Variants in ADAMTS19 observed in about 807,000 individuals in gnomAD.
ADAMTS19 encodes ADAM metallopeptidase with thrombospondin type 1 motif 19, also known as A disintegrin and metalloproteinase with thrombospondin motifs 19.
ADAMTS19 carries 93 observed loss-of-function variants against 153.3 expected under a neutral mutation model. That is an observed-to-expected ratio of 0.61 (90% CI 0.51 to 0.72). The LOEUF is 0.72. Among genes scored for constraint, ADAMTS19 ranks in the 30% least tolerant of loss-of-function variants. The pLI, the probability that ADAMTS19 is intolerant of heterozygous loss-of-function variation, is 0.00. For missense variants in ADAMTS19, 1,482 were observed against 1,552.1 expected (o/e 0.95, Z 0.76); for synonymous variants, 600 against 556.6 (o/e 1.08, Z -1.10).
chr5:129,674,698 G>T (rs1186033113), intron 16 of ADAMTS19, among the ~76,000 whole-genome samples: 1 of 151,352 alleles, frequency 6.6e-6, no homozygotes, highest in African/African-American at 2.4e-5. Flanking sequence ...CTTCCTTTTT[G>T]CTATTATGCA....
intron 10 of ADAMTS19, among the ~76,000 whole-genome samples, chr5:129,626,217 T>C (rs76183464): frequency 0.018 from 2,710 of 152,236 alleles, 72 homozygotes; most frequent in African/African-American, 0.061. Context: ...CAGTCTCCTA[T>C]GGAACTCAAA....
intron 7 of ADAMTS19, among the ~76,000 whole-genome samples, chr5:129,582,854 G>A (rs1257441264): frequency 6.6e-6 from 1 of 151,858 alleles, no homozygotes; most frequent in Non-Finnish European, 1.5e-5. Flanking sequence ...TTACAGGTGT[G>A]AGCCACCATG....
At chr5:129,551,941 T>C (rs1309666520) in intron 7 of ADAMTS19, 34 bp downstream of exon 7, 3 of 1,462,414 alleles carry the variant, frequency 2.1e-6, no homozygotes, top group East Asian at 2.5e-5. Context: ...TTTGGAGTTC[T>C]GGAGAACTTG....
chr5:129,587,083 T>C (rs1272346119), intron 7 of ADAMTS19, among the ~76,000 whole-genome samples: 3 of 152,094 alleles, frequency 2.0e-5, no homozygotes, highest in African/African-American at 7.2e-5. Context: ...GGAAACTATT[T>C]ATCTCTCCTC....
At position 129,617,145 on chromosome 5, in the gene ADAMTS19, TAG is replaced by T. The variant is rs898439246; in HGVS notation, c.1479-3470_1479-3469del. 4.6e-5 allele frequency among the ~76,000 whole-genome samples: 7 copies of T among 152,176 alleles called. No individual in the cohort carries two copies. The South Asian group carries it at 1.0e-3, about 23-fold the overall frequency. Reference sequence around the variant, plus strand: ...AATTAATTGTTTTATTTCAAACCTGTAGAGTCAGGACTAAGCATTGTTTCCTG... The same window carrying T: ...AATTAATTGTTTTATTTCAAACCTGTAGTCAGGACTAAGCATTGTTTCCTG... On this transcript the variant is annotated intron_variant, in intron 8 of 22. Coordinates refer to ENST00000274487, the MANE Select transcript of ADAMTS19 (RefSeq NM_133638.6).
chr5:129,647,801 G>C lies in ADAMTS19; in HGVS notation c.1909G>C (p.Ala637Pro). 1 of 1,614,094 alleles carries C rather than the reference G, an allele frequency of 6.2e-7. No homozygotes were observed. Among genetic ancestry groups the C allele is most frequent in the Non-Finnish European group, 8.5e-7 (1 of 1,179,958 alleles). Residue 637 changes from alanine (A) to proline (P), a missense_variant, in exon 12 of 23, where the codon GCA becomes CCA. Physicochemically the swap from Ala to Pro is conservative, Grantham distance 27 (BLOSUM62 -1). Around this residue, in one of 2 missense-constraint regions of ADAMTS19, gnomAD observed 616 missense variants for 724.4 expected, o/e 0.85. Coordinates refer to ENST00000274487, the MANE Select transcript of ADAMTS19 (RefSeq NM_133638.6). Reference sequence around the variant, plus strand: ...TGGAGAATGTACCAGCAGGACCTCAGCACCTGAACATCTGGCCGGAGAGTG... The same window carrying C: ...TGGAGAATGTACCAGCAGGACCTCACCACCTGAACATCTGGCCGGAGAGTG... ...KAGECTSRTS[A>P]PEHLAGEWSL...
Position 129,658,610 on chromosome 5 carries a change from G to A in ADAMTS19, c.2305-7G>A, listed in dbSNP as rs915844093. Reference sequence around the variant, plus strand: ...ATTTATGATGTGCTGTCACTCTCTTGTTACAGAAAGTTGGCTGTGATGGTT... The same window carrying A: ...ATTTATGATGTGCTGTCACTCTCTTATTACAGAAAGTTGGCTGTGATGGTT... On this transcript the variant is annotated splice_region_variant and splice_polypyrimidine_tract_variant and intron_variant, in intron 14 of 22. Transcript: ENST00000274487. 6.2e-7 allele frequency: 1 copy of A among 1,610,164 alleles called. No homozygotes were observed. Among genetic ancestry groups the A allele is most frequent in the Non-Finnish European group, 8.5e-7 (1 of 1,178,506 alleles).
At chr5:129,648,750 A>G (rs772355522) in intron 12 of ADAMTS19, 48 bp from the exon 13 acceptor site, 1 of 1,457,942 alleles carries the variant, frequency 6.9e-7, no homozygotes, top group South Asian at 1.2e-5. Flanking sequence ...AAACCTAGGT[A>G]GTTAACATAA....
In ADAMTS19 at chr5:129,625,542, G is replaced by A. The variant is rs138382166; in HGVS notation, c.1770+3194G>A. ...ATGATTGCCATTCTAACTGGTGTGA[G>A]ATGGTATCTCATTGTGGTTTTGATT... On this transcript the variant is annotated intron_variant, in intron 10 of 22. Coordinates refer to ENST00000274487, the MANE Select transcript of ADAMTS19 (RefSeq NM_133638.6). 5.1e-3 allele frequency among the ~76,000 whole-genome samples: 771 copies of A among 152,272 alleles called. 9 individuals are homozygous for A. The highest frequency in any genetic ancestry group is 0.016 in the African/African-American group (685 of 41,566).
At chr5:129,645,186 A>G (rs1753005571) in intron 11 of ADAMTS19, among the ~76,000 whole-genome samples, 1 of 152,208 alleles carries the variant, frequency 6.6e-6, no homozygotes, top group South Asian at 2.1e-4. Flanking sequence ...TTTATAAATC[A>G]GATTGAATTA....
intron 21 of ADAMTS19, among the ~76,000 whole-genome samples, chr5:129,730,942 TG>T (rs1757417536): frequency 6.7e-6 from 1 of 148,988 alleles, no homozygotes; most frequent in African/African-American, 2.5e-5. Context: ...TGTTTTGTTT[TG>T]TTTTGTTTTG....
intron 22 of ADAMTS19, 139 bp from the exon 23 acceptor site, chr5:129,736,925 CTTT>C (rs1244702490): frequency 1.5e-6 from 1 of 683,406 alleles, no homozygotes; most frequent in African/African-American, 1.8e-5. Flanking sequence ...GTGTGTATCT[CTTT>C]CTTGTTTAAA....
chr5:129,585,020 G>C (rs1318971898), intron 7 of ADAMTS19, among the ~76,000 whole-genome samples: 2 of 152,178 alleles, frequency 1.3e-5, no homozygotes, highest in Non-Finnish European at 2.9e-5. Context: ...TCAGGGCCCT[G>C]GTGGTGCAGG....
chr5:129,700,525 T>C (rs1755786508), intron 19 of ADAMTS19, among the ~76,000 whole-genome samples: 1 of 152,166 alleles, frequency 6.6e-6, no homozygotes, highest in African/African-American at 2.4e-5. Context: ...TATCTCTCAC[T>C]GTTAAGTAGT....
chr5:129,529,034 C>A, intron 6 of ADAMTS19, among the ~76,000 whole-genome samples: 1 of 151,924 alleles, frequency 6.6e-6, no homozygotes, highest in East Asian at 1.9e-4. Flanking sequence ...ATAAAGTAAC[C>A]TAATATGTTA....
At chr5:129,541,022 T>G (rs1192029262) in intron 6 of ADAMTS19, among the ~76,000 whole-genome samples, 2 of 152,096 alleles carry the variant, frequency 1.3e-5, no homozygotes, top group African/African-American at 4.8e-5. Context: ...GAATTAGGAA[T>G]ACATTACTTT....
At chr5:129,485,357 A>AT (rs1170715646) in intron 2 of ADAMTS19, among the ~76,000 whole-genome samples, 2 of 152,200 alleles carry the variant, frequency 1.3e-5, no homozygotes, top group Non-Finnish European at 2.9e-5. Context: ...AACAATGGTT[A>AT]TGGGAAAATG....
chr5:129,505,641 A>G (rs1231824431), intron 2 of ADAMTS19, among the ~76,000 whole-genome samples: 1 of 152,170 alleles, frequency 6.6e-6, no homozygotes, highest in East Asian at 1.9e-4. Flanking sequence ...AGAAATTTCA[A>G]CCAGTAAGAA....
chr5:129,711,837 A>T (rs145796383), intron 21 of ADAMTS19, among the ~76,000 whole-genome samples: 1 of 152,112 alleles, frequency 6.6e-6, no homozygotes, highest in Non-Finnish European at 1.5e-5. Context: ...TTAATATTCT[A>T]CTGTATTTGG....
Sources: allele counts gnomAD v4.1 joint callset (sites outside exome capture counted in the v4.1 genomes callset), GRCh38; gene constraint gnomAD v4.1.1; regional missense constraint gnomAD v4.1.1; transcripts MANE v1.5; gene names NCBI Gene and HGNC (gene_info 2026-07-23, HGNC 2026-07-21).